DMD: variants seen among roughly 807,000 people sequenced by gnomAD.
DMD encodes mutant dystrophin.
In DMD, 63 loss-of-function variants were observed where a neutral mutation model predicts 330.1. The observed-to-expected ratio is 0.19, with a 90% CI of 0.16 to 0.24. DMD has a LOEUF of 0.24. Ranked by LOEUF, DMD falls within the 10% of genes least tolerant of loss-of-function variation. The probability of loss-of-function intolerance (pLI) is 1.00; values close to 1 mark genes in which losing one functional copy is unlikely to be tolerated. For missense variants in DMD, 3,344 were observed against 2,684.1 expected (o/e 1.25, Z -5.43); for synonymous variants, 1,223 against 959.8 (o/e 1.27, Z -5.07).
intron 60 of DMD, among the ~76,000 whole-genome samples, chrX:31,363,015 C>A (rs73466393): frequency 0.018 from 2,006 of 111,963 alleles, 35 homozygotes; most frequent in African/African-American, 0.061. Context: ...CAAATCTATA[C>A]CTCAGGGATA....
chrX:33,317,652 T>C (rs2053951373), intron 1 of DMD, among the ~76,000 whole-genome samples: 1 of 111,707 alleles, frequency 9.0e-6, no homozygotes, highest in South Asian at 3.7e-4. Context: ...AATTATGCTT[T>C]ACATCAGTCC....
chrX:32,477,739 A>T (rs775645653), intron 21 of DMD, among the ~76,000 whole-genome samples: 1 of 110,309 alleles, frequency 9.1e-6, no homozygotes, highest in African/African-American at 3.3e-5. Context: ...GAAAAAAAAA[A>T]TCTCTCCTCT....
intron 47 of DMD, among the ~76,000 whole-genome samples, chrX:31,878,004 C>T (rs1239374878): frequency 1.8e-5 from 2 of 111,520 alleles, no homozygotes; most frequent in Non-Finnish European, 3.8e-5. Context: ...AAATTGTTCA[C>T]GTTTCATTTA....
chrX:32,754,695 C>T (rs1254318910), intron 7 of DMD, among the ~76,000 whole-genome samples: 2 of 111,529 alleles, frequency 1.8e-5, no homozygotes, highest in Non-Finnish European at 3.8e-5. Flanking sequence ...TTTAAACATA[C>T]AGAAATTTTC....
intron 52 of DMD, among the ~76,000 whole-genome samples, chrX:31,706,033 A>T (rs1475769830): frequency 9.0e-6 from 1 of 111,552 alleles, no homozygotes; most frequent in Non-Finnish European, 1.9e-5. Flanking sequence ...TGACGAAGCA[A>T]AGTGAACCTC....
chrX:32,732,795 C>A (rs1214422965), intron 7 of DMD, among the ~76,000 whole-genome samples: 2 of 110,241 alleles, frequency 1.8e-5, no homozygotes, highest in African/African-American at 3.3e-5. Context: ...CCGGTACCAG[C>A]CGCTGCAAAA....
intron 2 of DMD, among the ~76,000 whole-genome samples, chrX:32,964,255 C>CAAAAAAAATAAAA (rs2092032446): frequency 2.8e-5 from 1 of 35,190 alleles, no homozygotes; most frequent in Non-Finnish European, 5.1e-5. Flanking sequence ...GACTCCATCT[C>CAAAAAAAATAAAA]AAAAAAAAAA....
chrX:31,428,102 A>G (rs1288035855), intron 60 of DMD, among the ~76,000 whole-genome samples: 1 of 111,901 alleles, frequency 8.9e-6, no homozygotes, highest in Non-Finnish European at 1.9e-5. Flanking sequence ...AGGTTGTAGA[A>G]AACTGATATG....
chrX:31,734,635 G>C (rs1397029391), intron 51 of DMD, among the ~76,000 whole-genome samples: 5 of 111,446 alleles, frequency 4.5e-5, no homozygotes, highest in Non-Finnish European at 9.4e-5. Flanking sequence ...AAGTGCTTCT[G>C]TTGTGTCACT....
intron 42 of DMD, among the ~76,000 whole-genome samples, chrX:32,306,179 G>C (rs1434824899): frequency 1.8e-5 from 2 of 110,617 alleles, no homozygotes; most frequent in Non-Finnish European, 3.8e-5. Context: ...AGATTCGTTA[G>C]TCTTTTTCAC....
intron 17 of DMD, among the ~76,000 whole-genome samples, chrX:32,526,783 C>T (rs1288893996): frequency 8.9e-6 from 1 of 112,337 alleles, no homozygotes; most frequent in African/African-American, 3.2e-5. Context: ...AATAGTAAAA[C>T]ATTACATGAA....
intron 2 of DMD, among the ~76,000 whole-genome samples, chrX:32,880,635 A>C (rs1347253328): frequency 8.9e-6 from 1 of 112,542 alleles, no homozygotes; most frequent in African/African-American, 3.2e-5. Context: ...AGAATCTCAA[A>C]ACTGAGTTAA....
In DMD at chrX:32,491,369, G is replaced by T. The variant is rs768892830; in HGVS notation, c.2530C>A (p.Gln844Lys). ...CAGTTTTCAGCAGTAGTTGTCATCT[G>T]CTCCAATTGTTGTAGCTGATTATAG... ...AFYNQLQQLE[Q>K]MTTTAENWLK... Residue 844 changes from glutamine to lysine, a missense_variant, in exon 20 of 79, where the codon CAG becomes AAG. By Grantham distance (53) the Gln-to-Lys change is moderately conservative (BLOSUM62 1). Coordinates refer to ENST00000357033, the MANE Select transcript of DMD (RefSeq NM_004006.3). The T allele has an allele frequency of 1.7e-6, 2 of 1,211,190 alleles. No individual in the cohort carries two copies. The highest frequency in any genetic ancestry group is 2.2e-6 in the Non-Finnish European group (2 of 895,194).
At chrX:32,852,334 A>G (rs2081205684) in intron 2 of DMD, among the ~76,000 whole-genome samples, 1 of 111,371 alleles carries the variant, frequency 9.0e-6, no homozygotes, top group African/African-American at 3.3e-5. Context: ...CAGTCCTGGT[A>G]GAATTCGTCA....
chrX:32,063,468 C>G (rs1325206357), intron 44 of DMD, among the ~76,000 whole-genome samples: 1 of 110,815 alleles, frequency 9.0e-6, no homozygotes, highest in Non-Finnish European at 1.9e-5. Flanking sequence ...GTTATTTATG[C>G]TTTATGTAGT....
chrX:32,610,405 G>C (rs987879506), intron 12 of DMD, among the ~76,000 whole-genome samples: 3 of 111,036 alleles, frequency 2.7e-5, no homozygotes, highest in African/African-American at 9.8e-5. Context: ...CTAATTGCCA[G>C]GTTCAGTAAA....
chrX:31,420,517 C>T (rs957108732), intron 60 of DMD, among the ~76,000 whole-genome samples: 6 of 112,486 alleles, frequency 5.3e-5, no homozygotes, highest in African/African-American at 1.6e-4. Context: ...TCTCACCTGA[C>T]ATCTGTTTTT....
chrX:32,463,070 C>T (rs1193987672), intron 25 of DMD, among the ~76,000 whole-genome samples: 2 of 112,030 alleles, frequency 1.8e-5, no homozygotes, highest in Non-Finnish European at 3.8e-5. Context: ...ATTAGCCATG[C>T]ATTTTATTTT....
intron 60 of DMD, among the ~76,000 whole-genome samples, chrX:31,366,496 A>AAAAC (rs2089265599): frequency 1.6e-5 from 1 of 63,517 alleles, no homozygotes; most frequent in African/African-American, 6.3e-5. Context: ...AAAAAAAAAA[A>AAAAC]CATAAAAAAA....
Sources: allele counts gnomAD v4.1 joint callset (sites outside exome capture counted in the v4.1 genomes callset), GRCh38; gene constraint gnomAD v4.1.1; transcripts MANE v1.5; gene names NCBI Gene and HGNC (gene_info 2026-07-23, HGNC 2026-07-21).